FRAS1: variants seen among roughly 807,000 people sequenced by gnomAD.
FRAS1 encodes Fraser extracellular matrix complex subunit 1.
A neutral mutation model predicts 435.2 loss-of-function variants in FRAS1; 290 were observed. That is an observed-to-expected ratio of 0.67 (90% CI 0.61 to 0.73). The LOEUF (loss-of-function observed/expected upper bound fraction) is 0.73, where lower values mean the gene tolerates loss of function less well. FRAS1 is among the 30% of genes least tolerant of loss of function. The pLI is 0.00. For missense variants in FRAS1, 4,860 were observed against 5,001.5 expected, an observed-to-expected ratio of 0.97 and a Z score of 0.85; for synonymous variants, 1,800 against 1,851.0, an observed-to-expected ratio of 0.97 and a Z score of 0.71.
intron 54 of FRAS1, 68 bp from the exon 55 acceptor site, chr4:78,477,747 T>C: frequency 1.3e-6 from 2 of 1,548,594 alleles, no homozygotes; most frequent in Non-Finnish European, 1.7e-6. Context: ...TTTCCTATGA[T>C]GCCCTGGGGA....
intron 2 of FRAS1, among the ~76,000 whole-genome samples, chr4:78,127,867 G>A (rs535073364): frequency 2.4e-4 from 37 of 151,102 alleles, no homozygotes; most frequent in African/African-American, 8.8e-4. Context: ...TCGTCATTTA[G>A]CATTAGGTAT....
chr4:78,439,020 G>T lies in FRAS1; in HGVS notation c.5485G>T (p.Ala1829Ser). The T allele has an allele frequency of 6.2e-7, 1 of 1,613,420 alleles. No individual in the cohort carries two copies. The change falls in exon 40 of 74, where the codon GCT becomes TCT. Residue 1829 changes from alanine (A) to serine (S), a missense_variant. Ala to Ser is a moderately conservative substitution (Grantham distance 99). Coordinates refer to ENST00000512123, the MANE Select transcript of FRAS1 (RefSeq NM_025074.7). ...GATATTTACCATCATGATCACTCCT[G>T]CTGAAAATCCACCTCCAGTCATTGC... ...NQIFTIMITP[A>S]ENPPPVIAFA...
intron 54 of FRAS1, among the ~76,000 whole-genome samples, chr4:78,476,909 C>T (rs1719868283): frequency 6.6e-6 from 1 of 151,088 alleles, no homozygotes; most frequent in East Asian, 1.9e-4. Flanking sequence ...AAGTATAGTC[C>T]AGGCTCATTT....
rs539398090 is a variant in FRAS1 at position 78,511,045 on chromosome 4, T to C, written c.9781-229T>C. Among the ~76,000 whole-genome samples, 3 of 152,360 alleles carry C rather than the reference T, an allele frequency of 2.0e-5. No homozygotes were observed. The South Asian group carries it at 6.2e-4, about 32-fold the overall frequency. ...TATGGGTTTGTGCTCCACATCTGTC[T>C]ACTTGCTTGTTGACTATCTTACCCC... On this transcript the variant is annotated intron_variant, in intron 63 of 73. Coordinates refer to ENST00000512123, the MANE Select transcript of FRAS1 (RefSeq NM_025074.7).
intron 2 of FRAS1, among the ~76,000 whole-genome samples, chr4:78,115,699 A>T (rs906707756): frequency 1.3e-5 from 2 of 151,640 alleles, no homozygotes; most frequent in African/African-American, 4.8e-5. Context: ...TTTTTATTGC[A>T]TCTATTTGAT....
At chr4:78,367,742 G>C (rs1318019333) in intron 22 of FRAS1, among the ~76,000 whole-genome samples, 2 of 151,780 alleles carry the variant, frequency 1.3e-5, no homozygotes, top group Non-Finnish European at 2.9e-5. Context: ...TTAGAGTTCT[G>C]CTTATTTCAC....
intron 29 of FRAS1, among the ~76,000 whole-genome samples, chr4:78,397,356 A>G (rs1732712089): frequency 6.6e-6 from 1 of 151,900 alleles, no homozygotes; most frequent in Non-Finnish European, 1.5e-5. Context: ...GAGAGCCTTT[A>G]TTTTCCTCAT....
intron 29 of FRAS1, among the ~76,000 whole-genome samples, chr4:78,392,249 A>G (rs1732475762): frequency 6.6e-6 from 1 of 152,166 alleles, no homozygotes. Flanking sequence ...ATGAGATTAA[A>G]TTTTAATAGC....
intron 32 of FRAS1, among the ~76,000 whole-genome samples, chr4:78,416,029 A>G (rs6821169): frequency 2.0e-5 from 3 of 152,196 alleles, no homozygotes; most frequent in African/African-American, 7.2e-5. Flanking sequence ...AAGCAATCTA[A>G]ATGTCTATCA....
At chr4:78,307,153 G>T (rs952607013) in intron 14 of FRAS1, among the ~76,000 whole-genome samples, 1 of 152,184 alleles carries the variant, frequency 6.6e-6, no homozygotes, top group African/African-American at 2.4e-5. Context: ...CCCTGCTGGG[G>T]GGTGCCTCCT....
chr4:78,507,870 G>A (rs1055466410), intron 62 of FRAS1, among the ~76,000 whole-genome samples: 3 of 152,068 alleles, frequency 2.0e-5, no homozygotes, highest in Non-Finnish European at 4.4e-5. Flanking sequence ...TAATGCACAG[G>A]GAAGCCCCCG....
chr4:78,380,636 G>C (rs184284674), intron 27 of FRAS1, among the ~76,000 whole-genome samples: 46 of 152,342 alleles, frequency 3.0e-4, no homozygotes, highest in African/African-American at 1.1e-3. Context: ...ACAGAAGTCA[G>C]AGGGTGCCCC....
chr4:78,153,160 A>G (rs1720741748), intron 2 of FRAS1, among the ~76,000 whole-genome samples: 1 of 152,140 alleles, frequency 6.6e-6, no homozygotes, highest in Non-Finnish European at 1.5e-5. Flanking sequence ...GATTTTGTCC[A>G]TGGCATACAA....
chr4:78,535,441 T>TG (rs1463202286), intron 71 of FRAS1, among the ~76,000 whole-genome samples: 1 of 152,208 alleles, frequency 6.6e-6, no homozygotes, highest in Admixed American at 6.5e-5. Flanking sequence ...AGCATGTCTT[T>TG]CAGACACCTA....
chr4:78,223,374 CTAGT>C (rs149710964), intron 2 of FRAS1, among the ~76,000 whole-genome samples: 1 of 152,134 alleles, frequency 6.6e-6, no homozygotes, highest in Non-Finnish European at 1.5e-5. Context: ...ATTTTGTAAA[CTAGT>C]TATGAATGAG....
intron 2 of FRAS1, among the ~76,000 whole-genome samples, chr4:78,098,783 A>G (rs1741957196): frequency 6.6e-6 from 1 of 152,246 alleles, no homozygotes; most frequent in South Asian, 2.1e-4. Flanking sequence ...CCCAGAATAA[A>G]TAGTCAGTCA....
At chr4:78,359,730 A>G (rs184280246) in intron 20 of FRAS1, among the ~76,000 whole-genome samples, 1 of 152,324 alleles carries the variant, frequency 6.6e-6, no homozygotes, top group East Asian at 1.9e-4. Context: ...ACACTCGAGT[A>G]TTTGTAATCT....
chr4:78,290,774 A>G (rs1177744465), intron 14 of FRAS1, among the ~76,000 whole-genome samples: 5 of 135,332 alleles, frequency 3.7e-5, no homozygotes, highest in East Asian at 4.4e-4. Context: ...GTTTGTTTGA[A>G]TTGGTTCATG....
Position 78,540,812 on chromosome 4 carries a change from C to T in FRAS1, c.11727C>T (p.Ala3909=), listed in dbSNP as rs777414820. ...LSQTGASIGS[A]LAAIMLLLLV... is the part of the protein sequence containing the mutation. ...AGACTGGGGCGTCCATTGGCAGTGC[C>T]CTGGCTGCAATCATGCTTCTACTTC... The change falls in exon 74 of 74, where the codon GCC becomes GCT. Residue 3909 remains alanine (A), a synonymous_variant. Transcript: ENST00000512123. The T allele has an allele frequency of 1.2e-6, 2 of 1,613,916 alleles. No individual in the cohort carries two copies. Among genetic ancestry groups the T allele is most frequent in the East Asian group, 2.2e-5 (1 of 44,892 alleles).
Sources: gnomAD v4.1 joint callset for allele counts (sites outside exome capture counted in the v4.1 genomes callset) on GRCh38, gnomAD v4.1.1 for gene constraint, MANE v1.5 for transcripts, NCBI Gene and HGNC (gene_info 2026-07-23, HGNC 2026-07-21) for gene names.